Variants in CSNK1G1 observed in about 807,000 individuals in gnomAD.
The protein encoded by CSNK1G1 is casein kinase I isoform gamma-1.
CSNK1G1 carries 22 observed loss-of-function variants against 59.6 expected under a neutral mutation model. The ratio of observed to expected loss-of-function variants is 0.37; its 90% CI spans 0.26 to 0.53. The LOEUF (loss-of-function observed/expected upper bound fraction) is 0.53, where lower values mean the gene tolerates loss of function less well. Among genes scored for constraint, CSNK1G1 ranks in the 20% least tolerant of loss-of-function variants. The pLI is 0.89. For missense variants in CSNK1G1, 384 were observed against 519.5 expected (o/e 0.74, Z 2.54); for synonymous variants, 179 against 177.1 (o/e 1.01, Z -0.08).
At position 64,166,147 on chromosome 15, in the gene CSNK1G1, G is replaced by A. The variant is rs966208658; in HGVS notation, c.*5784C>T. The A allele has an allele frequency of 3.8e-6, 2 of 519,490 alleles. No homozygotes were observed. The highest frequency in any genetic ancestry group is 4.0e-5 in the African/African-American group (2 of 50,508). The allele number at this position is 519,490 out of a possible 1,614,324, so 32.2% of individuals were successfully genotyped here. ...TCAGACACATCCACACATTAAAACT[G>A]ATTTCCACTGCTGATTTATACATTA... On this transcript the variant is annotated 3_prime_UTR_variant, in exon 12 of 12. Coordinates refer to ENST00000303052, the MANE Select transcript of CSNK1G1 (RefSeq NM_022048.5). This position sits in a 1 kb window ranked among gnomAD's most constrained non-coding sequence, Gnocchi z 4.5.
chr15:64,279,985 AC>A (rs1399267599), intron 2 of CSNK1G1, among the ~76,000 whole-genome samples: 10 of 151,716 alleles, frequency 6.6e-5, no homozygotes, highest in South Asian at 6.4e-4. Flanking sequence ...AAAAAAAAAA[AC>A]AAAACAGAAA....
chr15:64,352,730 C>G (rs911143998), intron 1 of CSNK1G1, among the ~76,000 whole-genome samples: 3 of 151,430 alleles, frequency 2.0e-5, no homozygotes, highest in Non-Finnish European at 4.4e-5. Flanking sequence ...CAGGCATGAG[C>G]CACCATGCCT....
chr15:64,286,128 A>G (rs930513577), intron 2 of CSNK1G1, among the ~76,000 whole-genome samples: 1 of 151,844 alleles, frequency 6.6e-6, no homozygotes, highest in African/African-American at 2.4e-5. Flanking sequence ...TCACGTTCTC[A>G]CCCCCGGACC....
intron 4 of CSNK1G1, among the ~76,000 whole-genome samples, chr15:64,238,426 G>A (rs931636770): frequency 7.0e-6 from 1 of 142,288 alleles, no homozygotes; most frequent in South Asian, 2.3e-4. Context: ...CCAGGAGTTT[G>A]AGGCTGCAGT....
intron 9 of CSNK1G1, among the ~76,000 whole-genome samples, chr15:64,203,653 C>T (rs112337706): frequency 0.048 from 6,448 of 133,482 alleles, 184 homozygotes; most frequent in South Asian, 0.092. Flanking sequence ...GCTGAGTTCA[C>T]ACCATTGCAC....
chr15:64,289,584 G>C (rs1054516274), intron 2 of CSNK1G1, among the ~76,000 whole-genome samples: 1 of 152,026 alleles, frequency 6.6e-6, no homozygotes, highest in African/African-American at 2.4e-5. Context: ...AGACAAATGG[G>C]ACTTAATTAA....
chr15:64,272,344 T>C (rs928260886), intron 2 of CSNK1G1, among the ~76,000 whole-genome samples: 3 of 152,042 alleles, frequency 2.0e-5, no homozygotes, highest in South Asian at 4.2e-4. Context: ...GCCTCCTCAG[T>C]AGCTGGGATT....
At chr15:64,322,825 C>T (rs72757002) in intron 1 of CSNK1G1, among the ~76,000 whole-genome samples, 2 of 151,898 alleles carry the variant, frequency 1.3e-5, no homozygotes, top group Non-Finnish European at 2.9e-5. Context: ...ATCTCAAAAA[C>T]TAAATAAGTA....
rs2081745415 is a variant in CSNK1G1, at chr15:64,176,652, G to T, written c.1214+3696C>A. 6.6e-6 allele frequency among the ~76,000 whole-genome samples: 1 copy of T among 152,178 alleles called. No homozygotes were observed. The highest frequency in any genetic ancestry group is 2.1e-4 in the South Asian group (1 of 4,824). On this transcript the variant is annotated intron_variant, in intron 11 of 11. Transcript: ENST00000303052. The surrounding 1 kb of genome is among the most constrained non-coding windows in gnomAD (Gnocchi z 5.2). Reference sequence around the variant, plus strand: ...GTAAGAACTCAATCAAGCACCAGGGGTGAACCATTTTGGTTCCCATATGAA... The same window carrying T: ...GTAAGAACTCAATCAAGCACCAGGGTTGAACCATTTTGGTTCCCATATGAA...
chr15:64,343,208 A>AACACACACACACACACACACACATAC (rs1897766111), intron 1 of CSNK1G1, among the ~76,000 whole-genome samples: 1 of 109,956 alleles, frequency 9.1e-6, no homozygotes. Flanking sequence ...GCAAAACTCC[A>AACACACACACACACACACACACATAC]ACACACACAC....
chr15:64,317,171 C>T (rs1896319306), intron 1 of CSNK1G1, among the ~76,000 whole-genome samples: 1 of 152,168 alleles, frequency 6.6e-6, no homozygotes, highest in African/African-American at 2.4e-5. Flanking sequence ...TCACTGCAAC[C>T]TCCGCCTCCC....
chr15:64,324,718 A>G (rs1221805120), intron 1 of CSNK1G1, among the ~76,000 whole-genome samples: 1 of 152,192 alleles, frequency 6.6e-6, no homozygotes, highest in Non-Finnish European at 1.5e-5. Flanking sequence ...CTTCATATAT[A>G]CATATATTCT....
intron 1 of CSNK1G1, among the ~76,000 whole-genome samples, chr15:64,304,844 G>T (rs569739097): frequency 1.2e-4 from 19 of 152,228 alleles, no homozygotes; most frequent in African/African-American, 4.6e-4. Flanking sequence ...TTGTTTATAG[G>T]TATAGGACTG....
chr15:64,218,201 T>C (rs1251174380), intron 4 of CSNK1G1, among the ~76,000 whole-genome samples: 2 of 152,140 alleles, frequency 1.3e-5, no homozygotes, highest in African/African-American at 4.8e-5. Flanking sequence ...TCCTCCCTCC[T>C]TGGCCTCCCA....
chr15:64,201,837 A>C (rs72756929), intron 10 of CSNK1G1, among the ~76,000 whole-genome samples: 6,697 of 152,180 alleles, frequency 0.044, 192 homozygotes, highest in South Asian at 0.084. Context: ...ATGTTAATAC[A>C]AGAAAGTGAA....
intron 1 of CSNK1G1, among the ~76,000 whole-genome samples, chr15:64,336,068 T>C (rs879677307): frequency 3.3e-5 from 5 of 152,332 alleles, no homozygotes; most frequent in Admixed American, 3.3e-4. Flanking sequence ...TATGTGGCTA[T>C]TTTTTACCTA....
chr15:64,296,466 T>C (rs1351575121), intron 2 of CSNK1G1, among the ~76,000 whole-genome samples: 1 of 152,214 alleles, frequency 6.6e-6, no homozygotes, highest in East Asian at 1.9e-4. Context: ...TGTTTTTCTC[T>C]GTCTACCACT....
At position 64,188,995 on chromosome 15, in the gene CSNK1G1, G is replaced by A. The variant is rs1322765687; in HGVS notation, c.1108-8541C>T. ...ACAAAAATGAGCTGGGCATGGTGGC[G>A]CACACCTGTGATCCCAGCTACTCGG... On this transcript the variant is annotated intron_variant, in intron 10 of 11. Transcript: ENST00000303052. This position sits in a 1 kb window ranked among gnomAD's most constrained non-coding sequence, Gnocchi z 4.2. 3.3e-5 allele frequency among the ~76,000 whole-genome samples: 5 copies of A among 152,062 alleles called. No homozygotes were observed. The highest frequency in any genetic ancestry group is 7.4e-5 in the Non-Finnish European group (5 of 68,002).
intron 10 of CSNK1G1, among the ~76,000 whole-genome samples, chr15:64,185,216 T>C (rs2081875537): frequency 6.6e-6 from 1 of 152,204 alleles, no homozygotes; most frequent in Non-Finnish European, 1.5e-5. Context: ...TGTCTTAGAT[T>C]CTGCACTCCC....
Sources: allele counts gnomAD v4.1 joint callset (sites outside exome capture counted in the v4.1 genomes callset), GRCh38; gene constraint gnomAD v4.1.1; non-coding constraint Gnocchi (gnomAD v3.1); transcripts MANE v1.5; gene names NCBI Gene and HGNC (gene_info 2026-07-23, HGNC 2026-07-21).